TMEM131L: variants seen among roughly 807,000 people sequenced by gnomAD.
TMEM131L encodes the protein transmembrane 131 like.
TMEM131L carries 54 observed loss-of-function variants against 192.2 expected under a neutral mutation model. That is an observed-to-expected ratio of 0.28 (90% confidence interval 0.23 to 0.35). The LOEUF (loss-of-function observed/expected upper bound fraction) is 0.35, where lower values mean the gene tolerates loss of function less well. Among genes scored for constraint, TMEM131L ranks in the 10% least tolerant of loss-of-function variants. The pLI, the probability that TMEM131L is intolerant of heterozygous loss-of-function variation, is 1.00. For missense variants in TMEM131L, 1,888 were observed against 1,972.9 expected, an observed-to-expected ratio of 0.96 and a Z score of 0.82; for synonymous variants, 701 against 704.9, an observed-to-expected ratio of 0.99 and a Z score of 0.09.
At chr4:153,571,080 G>A (rs529773270) in intron 7 of TMEM131L, among the ~76,000 whole-genome samples, 4 of 151,240 alleles carry the variant, frequency 2.6e-5, no homozygotes, top group Non-Finnish European at 5.9e-5. Context: ...TCTTTCTCTA[G>A]ATTTTTTTCG....
intron 3 of TMEM131L, among the ~76,000 whole-genome samples, chr4:153,500,373 C>T (rs1561135121): frequency 6.6e-6 from 1 of 152,230 alleles, no homozygotes. Flanking sequence ...TCCCAAAGTG[C>T]TGGGATTACA....
chr4:153,591,133 G>A lies in TMEM131L; in HGVS notation c.1751G>A (p.Arg584His), dbSNP rs201309930. ...GAGTCCTTTGTTTTCTTTTTGCCTC[G>A]TTTGATCGCAGAGCCTGGCCTCATG... ...ESESFVFFLP[R>H]LIAEPGLMLN... The change falls in exon 17 of 35, where the codon CGT (arginine) becomes CAT (histidine). Residue 584 changes from arginine (R) to histidine (H), a missense_variant. Physicochemically the swap from Arg to His is conservative, Grantham distance 29. Coordinates refer to ENST00000409959, the MANE Select transcript of TMEM131L (RefSeq NM_001131007.2). 8 of 1,611,244 alleles carry A rather than the reference G, an allele frequency of 5.0e-6. No homozygotes were observed. The highest frequency in any genetic ancestry group is 2.2e-5 in the East Asian group (1 of 44,654).
chr4:153,594,058 A>G (rs1045539068), intron 19 of TMEM131L, among the ~76,000 whole-genome samples, 187 bp downstream of exon 19: 7 of 152,192 alleles, frequency 4.6e-5, no homozygotes, highest in Non-Finnish European at 7.3e-5. Flanking sequence ...AGCTGGGTTT[A>G]TGTTAGCTCT....
chr4:153,473,661 A>G (rs144751590), intron 2 of TMEM131L, among the ~76,000 whole-genome samples, 184 bp from the exon 3 acceptor site: 3,895 of 152,222 alleles, frequency 0.026, 93 homozygotes, highest in Non-Finnish European at 0.04. Context: ...GTGTGGTGGC[A>G]TGTGCCTATA....
At chr4:153,612,133 C>A in intron 25 of TMEM131L, 119 bp from the exon 26 acceptor site, 4 of 637,588 alleles carry the variant, frequency 6.3e-6, no homozygotes, top group Admixed American at 3.9e-5. Context: ...ATGTTAAAAA[C>A]AATGCTAAAT....
intron 7 of TMEM131L, among the ~76,000 whole-genome samples, chr4:153,573,963 GTACCCAGTGGTTTGCA>G (rs1221765042): frequency 6.6e-6 from 1 of 152,188 alleles, no homozygotes; most frequent in Non-Finnish European, 1.5e-5. Flanking sequence ...GGCCTACTGT[GTACCCAGTGGTTTGCA>G]TATGTATCTC....
At chr4:153,612,088 A>G (rs1464419216) in intron 25 of TMEM131L, among the ~76,000 whole-genome samples, 164 bp from the exon 26 acceptor site, 2 of 152,094 alleles carry the variant, frequency 1.3e-5, no homozygotes, top group African/African-American at 4.8e-5. Context: ...GTATACTTTC[A>G]TCTATGAACA....
chr4:153,518,753 T>TTGGTGCTCAGGCTC (rs1257252262), intron 3 of TMEM131L, among the ~76,000 whole-genome samples: 40 of 152,324 alleles, frequency 2.6e-4, no homozygotes, highest in Non-Finnish European at 5.4e-4. Flanking sequence ...ATAGCCCGAC[T>TTGGTGCTCAGGCTC]TGGTGCTCAG....
At chr4:153,623,523 A>G (rs1561254209) in intron 29 of TMEM131L, among the ~76,000 whole-genome samples, 1 of 152,046 alleles carries the variant, frequency 6.6e-6, no homozygotes, top group East Asian at 1.9e-4. Flanking sequence ...CCTCCCTGTA[A>G]CCCCTGCTCA....
intron 31 of TMEM131L, among the ~76,000 whole-genome samples, chr4:153,630,768 A>G (rs1034585427): frequency 1.3e-5 from 2 of 152,040 alleles, no homozygotes; most frequent in African/African-American, 4.8e-5. Context: ...AAGTGTTGCC[A>G]TGTCTGGGGC....
Position 153,501,828 on chromosome 4 carries a change from T to A in TMEM131L, c.239+27940T>A, listed in dbSNP as rs139708129. Among the ~76,000 whole-genome samples the A allele has an allele frequency of 9.0e-3, 1,366 of 151,866 alleles. 7 individuals carry two copies. Among genetic ancestry groups the A allele is most frequent in the Non-Finnish European group, 0.012 (788 of 67,948 alleles). On this transcript the variant is annotated intron_variant, in intron 3 of 34. Transcript: ENST00000409959. ...GCCTCCTCTGTCTCCTAATCCAAGG[T>A]GACTGCCCAACCCGCAGGATCATCT... is the stretch of plus-strand genomic sequence containing the variant.
intron 3 of TMEM131L, among the ~76,000 whole-genome samples, chr4:153,541,692 T>C (rs1389208286): frequency 6.6e-6 from 1 of 152,192 alleles, no homozygotes; most frequent in Non-Finnish European, 1.5e-5. Flanking sequence ...AAACTTTGGC[T>C]GATTTGAGCT....
At chr4:153,482,761 T>A (rs964404783) in intron 3 of TMEM131L, among the ~76,000 whole-genome samples, 43 of 151,918 alleles carry the variant, frequency 2.8e-4, no homozygotes, top group Non-Finnish European at 5.1e-4. Flanking sequence ...CCGGCTAATA[T>A]TTTTTTTATT....
intron 3 of TMEM131L, among the ~76,000 whole-genome samples, chr4:153,541,409 T>C (rs894399392): frequency 2.0e-5 from 3 of 152,192 alleles, no homozygotes; most frequent in Non-Finnish European, 2.9e-5. Context: ...TGGTTGCACA[T>C]GGAGTTATGG....
At chr4:153,599,742 A>G (rs762327353) in intron 21 of TMEM131L, among the ~76,000 whole-genome samples, 3 of 152,226 alleles carry the variant, frequency 2.0e-5, no homozygotes, top group Non-Finnish European at 4.4e-5. Context: ...CAAGACAGCC[A>G]CTAGCCACAT....
chr4:153,550,543 G>A (rs562691810), intron 4 of TMEM131L, among the ~76,000 whole-genome samples: 1 of 152,120 alleles, frequency 6.6e-6, no homozygotes. Flanking sequence ...CGCCAGGATG[G>A]TCTTGATCTC....
Position 153,526,161 on chromosome 4 carries a change from A to G in TMEM131L, c.240-23912A>G, listed in dbSNP as rs555367159. Among the ~76,000 whole-genome samples, 5 of 151,834 alleles carry G rather than the reference A, an allele frequency of 3.3e-5. No homozygotes were observed. In the East Asian group the frequency reaches 9.7e-4, roughly 30 times the overall value. On this transcript the variant is annotated intron_variant, in intron 3 of 34. Coordinates refer to ENST00000409959, the MANE Select transcript of TMEM131L (RefSeq NM_001131007.2). ...CGTGAGCCACCACACCCAGCCTGCT[A>G]CTCCACTTTTCTAACAGACTCCCAG...
intron 7 of TMEM131L, among the ~76,000 whole-genome samples, chr4:153,560,656 A>G (rs1304437632): frequency 2.6e-5 from 4 of 152,228 alleles, no homozygotes; most frequent in African/African-American, 7.2e-5. Flanking sequence ...TGAACATCTT[A>G]TATAAATGAA....
chr4:153,613,781 C>A (rs557048673), intron 26 of TMEM131L, among the ~76,000 whole-genome samples: 1 of 151,834 alleles, frequency 6.6e-6, no homozygotes, highest in South Asian at 2.1e-4. Flanking sequence ...AATGGGAGAC[C>A]CTAGTTATTT....
Sources: allele counts gnomAD v4.1 joint callset (sites outside exome capture counted in the v4.1 genomes callset), GRCh38; gene constraint gnomAD v4.1.1; transcripts MANE v1.5; gene names NCBI Gene and HGNC (gene_info 2026-07-23, HGNC 2026-07-21).